Variants in SAMD12 observed in about 807,000 individuals in gnomAD.
SAMD12 encodes sterile alpha motif domain containing 12, also known as sterile alpha motif domain-containing protein 12.
SAMD12 carries 9 observed loss-of-function variants against 15.0 expected under a neutral mutation model. That is an observed-to-expected ratio of 0.60 (90% confidence interval 0.36 to 1.05). The LOEUF is 1.05. Ranked by LOEUF, SAMD12 falls within the 50% of genes least tolerant of loss-of-function variation. The probability of loss-of-function intolerance (pLI) is 0.01; values close to 1 mark genes in which losing one functional copy is unlikely to be tolerated. For missense variants in SAMD12, 230 were observed against 234.2 expected, an observed-to-expected ratio of 0.98 and a Z score of 0.12; for synonymous variants, 86 against 90.1, an observed-to-expected ratio of 0.96 and a Z score of 0.25.
At chr8:118,202,665 C>T (rs1819747394) in intron 4 of SAMD12, among the ~76,000 whole-genome samples, 1 of 152,152 alleles carries the variant, frequency 6.6e-6, no homozygotes, top group Middle Eastern at 3.2e-3. Flanking sequence ...GTCTCATGGG[C>T]TCAAGGGGGA....
At chr8:118,237,900 A>AAGC (rs1470844376) in intron 4 of SAMD12, among the ~76,000 whole-genome samples, 2 of 152,132 alleles carry the variant, frequency 1.3e-5, no homozygotes, top group East Asian at 3.9e-4. Flanking sequence ...CAAAGAATGG[A>AAGC]AGCAAACAAG....
chr8:118,497,077 G>A (rs530977833), intron 2 of SAMD12, among the ~76,000 whole-genome samples: 1 of 152,268 alleles, frequency 6.6e-6, no homozygotes, highest in South Asian at 2.1e-4. Flanking sequence ...AACAGATGTT[G>A]GCGACATTGC....
intron 2 of SAMD12, among the ~76,000 whole-genome samples, chr8:118,555,136 G>A (rs777711226): frequency 6.9e-4 from 105 of 152,146 alleles, no homozygotes; most frequent in Non-Finnish European, 2.5e-4. Context: ...GGTTAGCAGA[G>A]CAAATGTGAG....
At chr8:118,238,360 G>A (rs1206107098) in intron 4 of SAMD12, among the ~76,000 whole-genome samples, 1 of 152,126 alleles carries the variant, frequency 6.6e-6, no homozygotes, top group Non-Finnish European at 1.5e-5. Flanking sequence ...ATTTATCATT[G>A]TAATCATTTT....
rs558089131 is a variant in SAMD12 at position 118,459,144 on chromosome 8, C to T, written c.193-19183G>A. On this transcript the variant is annotated intron_variant, in intron 2 of 3. Transcript: ENST00000314727. Reference sequence around the variant, plus strand: ...TCAGTGGCATGATCTTGGCTCACTACAACCTCCGCCTCCCCGGTTCAAGTG... The same window carrying T: ...TCAGTGGCATGATCTTGGCTCACTATAACCTCCGCCTCCCCGGTTCAAGTG... 4.1e-4 allele frequency among the ~76,000 whole-genome samples: 62 copies of T among 152,192 alleles called. 1 individual carries two copies. The highest frequency in any genetic ancestry group is 1.4e-3 in the African/African-American group (58 of 41,546).
At chr8:118,224,638 A>C (rs1812150069) in intron 4 of SAMD12, among the ~76,000 whole-genome samples, 1 of 152,214 alleles carries the variant, frequency 6.6e-6, no homozygotes, top group African/African-American at 2.4e-5. Context: ...TAAAACAAAT[A>C]AAAGGGATTT....
chr8:118,563,254 T>TACA (rs1161650233), intron 2 of SAMD12, among the ~76,000 whole-genome samples: 1 of 152,232 alleles, frequency 6.6e-6, no homozygotes, highest in Admixed American at 6.5e-5. Flanking sequence ...CAAACATATG[T>TACA]TACATTGCTG....
chr8:118,400,782 C>T (rs1444826547), intron 3 of SAMD12, among the ~76,000 whole-genome samples: 8 of 152,138 alleles, frequency 5.3e-5, no homozygotes, highest in Non-Finnish European at 1.2e-4. Context: ...CATACCCTCA[C>T]ACGCCAGGAG....
At chr8:118,307,313 T>G (rs1815400627) in intron 4 of SAMD12, among the ~76,000 whole-genome samples, 1 of 152,210 alleles carries the variant, frequency 6.6e-6, no homozygotes, top group Non-Finnish European at 1.5e-5. Context: ...TTGGGGAAAT[T>G]TGTCTGAAAT....
At chr8:118,444,493 T>A (rs1307465666) in intron 2 of SAMD12, among the ~76,000 whole-genome samples, 1 of 152,190 alleles carries the variant, frequency 6.6e-6, no homozygotes, top group Non-Finnish European at 1.5e-5. Context: ...GAACTAACTT[T>A]ATGCAAAATA....
intron 4 of SAMD12, among the ~76,000 whole-genome samples, chr8:118,311,443 ACT>A (rs1039977518): frequency 2.6e-5 from 4 of 152,022 alleles, no homozygotes; most frequent in African/African-American, 4.8e-5. Flanking sequence ...GGCAACAGAA[ACT>A]CTCTGGCCTA....
chr8:118,351,819 A>T (rs1817978459), intron 4 of SAMD12, among the ~76,000 whole-genome samples: 3 of 152,226 alleles, frequency 2.0e-5, no homozygotes, highest in Non-Finnish European at 4.4e-5. Context: ...GTAGACTGAG[A>T]GAAAAGCAGA....
chr8:118,146,086 G>A, the SAMD12 span, among the ~76,000 whole-genome samples: 227 of 152,340 alleles, frequency 1.5e-3, no homozygotes, highest in Middle Eastern at 3.4e-3. Flanking sequence ...TGCCATGGGA[G>A]CTTAACCATG....
intron 4 of SAMD12, among the ~76,000 whole-genome samples, chr8:118,342,037 C>T (rs923146805): frequency 1.3e-5 from 2 of 152,194 alleles, no homozygotes; most frequent in Non-Finnish European, 2.9e-5. Flanking sequence ...TGCCTGTAAT[C>T]CCAGCACTTT....
chr8:118,299,140 G>A (rs1814882494), intron 4 of SAMD12, among the ~76,000 whole-genome samples: 1 of 152,166 alleles, frequency 6.6e-6, no homozygotes, highest in African/African-American at 2.4e-5. Flanking sequence ...ACAGAAGGAA[G>A]TTTGACTAGC....
chr8:118,525,887 G>A (rs1164605464), intron 2 of SAMD12, among the ~76,000 whole-genome samples: 1 of 152,212 alleles, frequency 6.6e-6, no homozygotes, highest in Non-Finnish European at 1.5e-5. Context: ...CCCCATAGAT[G>A]GAGGACAGAG....
intron 3 of SAMD12, among the ~76,000 whole-genome samples, chr8:118,439,170 C>T (rs1361086445): frequency 6.6e-6 from 1 of 152,182 alleles, no homozygotes; most frequent in East Asian, 1.9e-4. Flanking sequence ...TACTGACCTC[C>T]ACGTATAATA....
At chr8:118,428,199 C>A (rs1300082745) in intron 3 of SAMD12, among the ~76,000 whole-genome samples, 2 of 152,230 alleles carry the variant, frequency 1.3e-5, no homozygotes, top group East Asian at 3.9e-4. Context: ...GTGCTTTCTT[C>A]TTGTCTCTGG....
At chr8:118,139,486 G>T in the SAMD12 span, among the ~76,000 whole-genome samples, 2 of 152,188 alleles carry the variant, frequency 1.3e-5, no homozygotes, top group Non-Finnish European at 2.9e-5. Context: ...AGCCTCCTGA[G>T]AAGCTGGGAC....
Sources: allele counts gnomAD v4.1 joint callset (sites outside exome capture counted in the v4.1 genomes callset), GRCh38; gene constraint gnomAD v4.1.1; transcripts MANE v1.5; gene names NCBI Gene and HGNC (gene_info 2026-07-23, HGNC 2026-07-21).